Variants in PALD1 observed in about 807,000 individuals in gnomAD.
PALD1 encodes the protein phosphatase domain containing paladin 1, also known as paladin.
PALD1 carries 57 observed loss-of-function variants against 96.0 expected under a neutral mutation model. The observed-to-expected ratio is 0.59, with a 90% confidence interval of 0.48 to 0.74. The LOEUF is 0.74. Ranked by LOEUF, PALD1 falls within the 30% of genes least tolerant of loss-of-function variation. PALD1 has a pLI of 0.00. For synonymous variants in PALD1, 464 were observed against 473.6 expected (o/e 0.98, Z 0.26); for missense variants, 1,063 against 1,143.7 (o/e 0.93, Z 1.02).
intron 1 of PALD1, among the ~76,000 whole-genome samples, chr10:70,507,153 G>T (rs1200096117): frequency 6.6e-6 from 1 of 151,864 alleles, no homozygotes; most frequent in Non-Finnish European, 1.5e-5. Context: ...TGTAATCCTA[G>T]CACTTTGGGA....
rs955445662 is a variant in PALD1 at position 70,484,202 on chromosome 10, C to T, written c.-30+5143C>T. ...ATTTTTAATAGAGATGGGGTTTCAC[C>T]GCATTGGCCAGGCTGGTCTCAAACT... is the stretch of plus-strand genomic sequence containing the variant. On this transcript the variant is annotated intron_variant, in intron 1 of 19. Coordinates refer to ENST00000263563, the MANE Select transcript of PALD1 (RefSeq NM_014431.3). 6.6e-5 allele frequency among the ~76,000 whole-genome samples: 10 copies of T among 152,092 alleles called. No homozygotes were observed. In the South Asian group the frequency reaches 1.0e-3, roughly 16 times the overall value.
chr10:70,561,096 A>G (rs2132444369), intron 18 of PALD1, among the ~76,000 whole-genome samples: 1 of 152,266 alleles, frequency 6.6e-6, no homozygotes, highest in African/African-American at 2.4e-5. Context: ...AGATAATTCT[A>G]CCTTTGCCAG....
the PALD1 span, among the ~76,000 whole-genome samples, chr10:70,473,049 GA>G: frequency 6.6e-6 from 1 of 152,212 alleles, no homozygotes; most frequent in Non-Finnish European, 1.5e-5. Flanking sequence ...CTAAGTGGCA[GA>G]AACCAAATGA....
chr10:70,491,179 T>G (rs1846091967), intron 1 of PALD1, among the ~76,000 whole-genome samples: 1 of 152,194 alleles, frequency 6.6e-6, no homozygotes, highest in Non-Finnish European at 1.5e-5. Context: ...TCTCCTGACT[T>G]CGTGATCCAC....
At chr10:70,520,508 G>A (rs1846708264) in intron 1 of PALD1, among the ~76,000 whole-genome samples, 1 of 152,126 alleles carries the variant, frequency 6.6e-6, no homozygotes, top group Admixed American at 6.5e-5. Context: ...CTTGAATACT[G>A]CCATTGACAA....
intron 18 of PALD1, among the ~76,000 whole-genome samples, chr10:70,563,657 T>C (rs1257988456): frequency 1.3e-5 from 2 of 152,136 alleles, no homozygotes; most frequent in Non-Finnish European, 2.9e-5. Context: ...CTGAGGGCTT[T>C]ATGTGTACCC....
rs1177638169 is a variant in PALD1, at chr10:70,547,350, G to A, written c.2166G>A (p.Val722=). 6.2e-7 allele frequency: 1 copy of A among 1,613,350 alleles called. No homozygotes were observed. Among genetic ancestry groups the A allele is most frequent in the Non-Finnish European group, 8.5e-7 (1 of 1,179,392 alleles). Residue 722 remains valine (V), a synonymous_variant, in exon 18 of 20, where the codon GTG becomes GTA. Coordinates refer to ENST00000263563, the MANE Select transcript of PALD1 (RefSeq NM_014431.3). ...AGCTGCTACCCGATGGGCACCGTGT[G>A]AAGAAGGAGGTGGACGCAGCGCTGG... ...VVQLLPDGHR[V]KKEVDAALDT...
intron 1 of PALD1, among the ~76,000 whole-genome samples, chr10:70,521,381 A>G (rs1477996389): frequency 6.6e-6 from 1 of 152,028 alleles, no homozygotes; most frequent in Non-Finnish European, 1.5e-5. Flanking sequence ...CCTCATCCTT[A>G]TAGGGTTCTG....
chr10:70,558,373 G>A (rs931603846), intron 18 of PALD1, among the ~76,000 whole-genome samples: 3 of 152,128 alleles, frequency 2.0e-5, no homozygotes, highest in Non-Finnish European at 4.4e-5. Context: ...GGCAACCGAG[G>A]TGTCCTGTGA....
At chr10:70,564,271 C>A in intron 18 of PALD1, 93 bp from the exon 19 acceptor site, 1 of 1,334,684 alleles carries the variant, frequency 7.5e-7, no homozygotes, top group East Asian at 2.4e-5. Flanking sequence ...GCTGGATCAC[C>A]CTGCCCTGGC....
chr10:70,510,246 G>A (rs967332535), intron 1 of PALD1, among the ~76,000 whole-genome samples: 6 of 152,062 alleles, frequency 3.9e-5, no homozygotes, highest in Non-Finnish European at 8.8e-5. Flanking sequence ...GATGCTTTAG[G>A]TACCTGGGAG....
the PALD1 span, among the ~76,000 whole-genome samples, chr10:70,469,025 G>A: frequency 2.0e-5 from 3 of 152,126 alleles, no homozygotes; most frequent in Non-Finnish European, 2.9e-5. Context: ...CTCTAGCCGC[G>A]GAAGGCACCT....
At chr10:70,536,811 T>C (rs1358934427) in intron 10 of PALD1, among the ~76,000 whole-genome samples, 1 of 152,348 alleles carries the variant, frequency 6.6e-6, no homozygotes, top group East Asian at 1.9e-4. Flanking sequence ...TTAGGGCCTC[T>C]GTGAATCTCA....
the PALD1 span, among the ~76,000 whole-genome samples, chr10:70,461,594 C>T: frequency 1.3e-5 from 2 of 152,110 alleles, no homozygotes; most frequent in Non-Finnish European, 2.9e-5. Context: ...CAGACCAGAG[C>T]TTCACCTCTG....
chr10:70,466,530 A>C, the PALD1 span, among the ~76,000 whole-genome samples: 2 of 152,184 alleles, frequency 1.3e-5, no homozygotes, highest in Non-Finnish European at 2.9e-5. Context: ...GGTGTGAGCC[A>C]CCGCGCCCAG....
chr10:70,530,122 G>A (rs552490137), intron 4 of PALD1, 54 bp downstream of exon 4: 11 of 1,423,148 alleles, frequency 7.7e-6, no homozygotes, highest in South Asian at 2.8e-5. Flanking sequence ...AGGGAGAGGG[G>A]CACCTTGGAG....
At chr10:70,541,677 A>G (rs1280364923) in intron 17 of PALD1, 143 bp downstream of exon 17, 10 of 670,014 alleles carry the variant, frequency 1.5e-5, no homozygotes, top group Non-Finnish European at 2.7e-5. Flanking sequence ...CCCTGTTCCC[A>G]TTTTATAGAT....
Position 70,564,513 on chromosome 10 carries a change from G to A in PALD1, c.2412G>A (p.Met804Ile). Reference protein sequence around the residue: ...DSWQRPFSTWMQEVASKAGIY... With the variant: ...DSWQRPFSTWIQEVASKAGIY... ...GGCAGAGGCCCTTCAGCACCTGGAT[G>A]CAGGAGGTGAGGGGAGGCTGAGGCC... Residue 804 changes from methionine to isoleucine, a missense_variant, in exon 19 of 20, where the codon ATG becomes ATA. Transcript: ENST00000263563. 1 of 1,613,648 alleles carries A rather than the reference G, an allele frequency of 6.2e-7. No homozygotes were observed. The highest frequency in any genetic ancestry group is 8.5e-7 in the Non-Finnish European group (1 of 1,179,858).
the PALD1 span, among the ~76,000 whole-genome samples, chr10:70,471,301 G>T: frequency 2.3e-3 from 355 of 152,304 alleles, 3 homozygotes; most frequent in African/African-American, 8.2e-3. Flanking sequence ...CTGGATACTG[G>T]GTTTCCAAGC....
Sources: gnomAD v4.1 joint callset for allele counts (sites outside exome capture counted in the v4.1 genomes callset) on GRCh38, gnomAD v4.1.1 for gene constraint, MANE v1.5 for transcripts, NCBI Gene and HGNC (gene_info 2026-07-23, HGNC 2026-07-21) for gene names.